POM121: variants seen among roughly 807,000 people sequenced by gnomAD.
POM121 encodes the protein POM121 transmembrane nucleoporin, also known as nuclear envelope pore membrane protein POM 121.
Under a neutral mutation model 81.3 loss-of-function variants are expected in POM121, and 32 were observed. The ratio of observed to expected loss-of-function variants is 0.39; its 90% CI spans 0.30 to 0.53. The LOEUF is 0.53. Among genes scored for constraint, POM121 ranks in the 20% least tolerant of loss-of-function variants. The probability of loss-of-function intolerance (pLI) is 0.66; values close to 1 mark genes in which losing one functional copy is unlikely to be tolerated. For missense variants in POM121, 1,138 were observed against 1,614.6 expected, an observed-to-expected ratio of 0.70 and a Z score of 5.06; for synonymous variants, 514 against 694.2, an observed-to-expected ratio of 0.74 and a Z score of 4.08.
chr7:72,946,662 C>A lies in POM121; in HGVS notation c.*428C>A. On this transcript the variant is annotated 3_prime_UTR_variant, in exon 13 of 13. Transcript: ENST00000434423. ...GATGGGATTTGGGAAATGGGCTATC[C>A]GTAAAGCTTTATCTTGCTTGGCTTA... The A allele has an allele frequency of 1.0e-6, 1 of 987,718 alleles. No homozygotes were observed. Among genetic ancestry groups the A allele is most frequent in the African/African-American group, 1.8e-5 (1 of 56,500 alleles). The allele number at this position is 987,718 out of a possible 1,614,324, so 61.2% of individuals were successfully genotyped here. A position where few individuals can be genotyped will look rare whatever the true frequency, so the allele number is the denominator to read the frequency against.
intron 3 of POM121, among the ~76,000 whole-genome samples, chr7:72,927,573 G>A (rs1202811071): frequency 6.6e-6 from 1 of 152,052 alleles, no homozygotes; most frequent in African/African-American, 2.4e-5. Flanking sequence ...AGCTGGATGT[G>A]GTGGTGGGCG....
Position 72,925,360 on chromosome 7 carries a change from C to T in POM121, c.239C>T (p.Ser80Phe), listed in dbSNP as rs1407574051. The change falls in exon 1 of 13, where the codon TCC becomes TTC. Residue 80 changes from serine to phenylalanine, a missense_variant. By Grantham distance (155) the Ser-to-Phe change is radical. Coordinates refer to ENST00000434423, the MANE Select transcript of POM121 (RefSeq NM_001387691.1). Reference sequence around the variant, plus strand: ...GAGCCCCGAGGTTCGCGCCCCTTGTCCTCCTTCGTTCGGAAGGCGCGTCAT... The same window carrying T: ...GAGCCCCGAGGTTCGCGCCCCTTGTTCTCCTTCGTTCGGAAGGCGCGTCAT... ...SREPRGSRPL[S>F]SFVRKARHRR... 1 of 1,523,072 alleles carries T rather than the reference C, an allele frequency of 6.6e-7. No homozygotes were observed. The highest frequency in any genetic ancestry group is 8.8e-7 in the Non-Finnish European group (1 of 1,137,078). 94.3% of individuals were successfully genotyped at this position (1,523,072 alleles called of 1,614,324 possible).
chr7:72,942,219 C>G lies in POM121; in HGVS notation c.2226C>G (p.Gly742=). Residue 742 remains glycine (G), a synonymous_variant, in exon 11 of 13, where the codon GGC becomes GGG. Coordinates refer to ENST00000434423, the MANE Select transcript of POM121 (RefSeq NM_001387691.1). ...CTCCACCCAAGAGTGAGAAGGAAGG[C>G]CCCACACCGCCTGGCCCTTCAGTCA... The part of the protein sequence containing the change: ...FTAPPKSEKE[G]PTPPGPSVTA... 1 of 1,610,104 alleles carries G rather than the reference C, an allele frequency of 6.2e-7. No homozygotes were observed. Among genetic ancestry groups the G allele is most frequent in the African/African-American group, 1.4e-5 (1 of 73,100 alleles).
At chr7:72,939,242 A>G (rs1170545562) in intron 6 of POM121, 94 bp from the exon 7 acceptor site, 20 of 1,505,308 alleles carry the variant, frequency 1.3e-5, no homozygotes, top group African/African-American at 4.2e-5. Context: ...TGTTTTAGAC[A>G]TTGGCCACTT....
At chr7:72,920,106 T>C (rs1223994074), upstream of POM121, among the ~76,000 whole-genome samples, 1 of 152,172 alleles carries the variant, frequency 6.6e-6, no homozygotes, top group Admixed American at 6.5e-5. Context: ...GTTTGGCCAT[T>C]ATTTCTTCTA....
At chr7:72,918,145 G>A (rs567406063) in intron 4 of POM121, among the ~76,000 whole-genome samples, 2 of 152,284 alleles carry the variant, frequency 1.3e-5, no homozygotes, top group East Asian at 1.9e-4. Context: ...ACAGCATCAC[G>A]GAGACAATTA....
Position 72,938,658 on chromosome 7 carries a change from G to C in POM121, c.1344G>C (p.Pro448=). The change falls in exon 6 of 13, where the codon CCG becomes CCC. Residue 448 remains proline, a synonymous_variant. Coordinates refer to ENST00000434423, the MANE Select transcript of POM121 (RefSeq NM_001387691.1). ...SSPASSRSQT[P]ERPAKKIREE... The stretch of plus-strand genomic sequence containing the variant: ...CAGCCTCCTCCCGCTCCCAGACACC[G>C]GAGAGGCCAGCAAAGAAAATAAGGT... 1.9e-6 allele frequency: 3 copies of C among 1,613,732 alleles called. No homozygotes were observed. Among genetic ancestry groups the C allele is most frequent in the South Asian group, 1.1e-5 (1 of 91,064 alleles).
intron 5 of POM121, among the ~76,000 whole-genome samples, chr7:72,932,940 T>C (rs1796161755): frequency 6.6e-6 from 1 of 151,270 alleles, no homozygotes; most frequent in Non-Finnish European, 1.5e-5. Context: ...TAATCCCAGC[T>C]ACTCAGGAGG....
At chr7:72,950,397 C>T (rs1797973014), downstream of POM121, 1 of 593,004 alleles carries the variant, frequency 1.7e-6, no homozygotes, top group Admixed American at 3.0e-5. Context: ...TGTTTACCAG[C>T]AGTGGGAGCC....
At position 72,947,329 on chromosome 7, in the gene POM121, CTCTT is replaced by C; in HGVS notation, c.*1096_*1099del. ...GAATGGGCCCAGGGGAAGCAAAGAC[CTCTT>C]CCCTCTGCCGTTTCTGTCCCACTTA... On this transcript the variant is annotated 3_prime_UTR_variant, in exon 13 of 13. Coordinates refer to ENST00000434423, the MANE Select transcript of POM121 (RefSeq NM_001387691.1). 1 of 538,538 alleles carries C rather than the reference CTCTT, an allele frequency of 1.9e-6. No individual in the cohort carries two copies. The highest frequency in any genetic ancestry group is 2.3e-6 in the Non-Finnish European group (1 of 442,132). The allele number at this position is 538,538 out of a possible 1,614,324, so 33.4% of individuals were successfully genotyped here.
intron 3 of POM121, among the ~76,000 whole-genome samples, chr7:72,894,454 T>C (rs1215981357): frequency 6.6e-6 from 1 of 151,762 alleles, no homozygotes; most frequent in Non-Finnish European, 1.5e-5. Flanking sequence ...GGCAGGCGCC[T>C]GTAATCCCAG....
Position 72,926,857 on chromosome 7 carries a change from C to G in POM121, c.916C>G (p.Pro306Ala). 1 of 1,613,918 alleles carries G rather than the reference C, an allele frequency of 6.2e-7. No homozygotes were observed. The highest frequency in any genetic ancestry group is 8.5e-7 in the Non-Finnish European group (1 of 1,179,866). ...CTCACCATCAAGTAACGCCCCAGAC[C>G]CATGTGCAAAGGAGACAGTACTGAG... is the stretch of plus-strand genomic sequence containing the variant. ...LSSPSSNAPDPCAKETVLSAL... is the reference protein window; with the variant it reads ...LSSPSSNAPDACAKETVLSAL... Residue 306 changes from proline (P) to alanine (A), a missense_variant, in exon 3 of 13, where the codon CCA becomes GCA. By Grantham distance (27) the Pro-to-Ala change is conservative. Coordinates refer to ENST00000434423, the MANE Select transcript of POM121 (RefSeq NM_001387691.1).
At chr7:72,900,006 T>G (rs7782791) in intron 3 of POM121, among the ~76,000 whole-genome samples, 5,654 of 152,280 alleles carry the variant, frequency 0.037, 146 homozygotes, top group African/African-American at 0.067. Context: ...AGAACCATCT[T>G]TTGAGCTTTT....
intron 4 of POM121, among the ~76,000 whole-genome samples, chr7:72,916,052 T>A (rs563232254): frequency 6.6e-6 from 1 of 152,306 alleles, no homozygotes; most frequent in African/African-American, 2.4e-5. Flanking sequence ...TCTACAAGAA[T>A]CTACAAGATC....
In POM121 at chr7:72,925,606, C is replaced by T. The variant is rs1795331413; in HGVS notation, c.485C>T (p.Pro162Leu). ...GAGGGCCAGGACCTGCGGGATAGGC[C>T]TGGCCGCCGCCCACCTGCCCGCCCG... ...APEGQDLRDR[P>L]GRRPPARPAP... The change falls in exon 1 of 13, where the codon CCT (proline) becomes CTT (leucine). Residue 162 changes from proline (P) to leucine (L), a missense_variant. This residue lies in a region of POM121 where 646 missense variants were observed against 633.5 expected (regional missense o/e 1.02). Transcript: ENST00000434423. 7.1e-7 allele frequency: 1 copy of T among 1,413,834 alleles called. No homozygotes were observed. Among genetic ancestry groups the T allele is most frequent in the Non-Finnish European group, 9.2e-7 (1 of 1,087,956 alleles). The allele number at this position is 1,413,834 out of a possible 1,614,324, so 87.6% of individuals were successfully genotyped here. A position where few individuals can be genotyped will look rare whatever the true frequency, so the allele number is the denominator to read the frequency against.
intron 3 of POM121, among the ~76,000 whole-genome samples, chr7:72,893,576 T>G (rs1791530423): frequency 6.6e-6 from 1 of 152,092 alleles, no homozygotes; most frequent in African/African-American, 2.4e-5. Context: ...AGAGCCAGAC[T>G]CCATCTCAAA....
chr7:72,894,624 GAGGAGAGAGA>G (rs1791681781), intron 3 of POM121, among the ~76,000 whole-genome samples: 1 of 102,918 alleles, frequency 9.7e-6, no homozygotes, highest in Admixed American at 1.2e-4. Context: ...ATGAGAGAGA[GAGGAGAGAGA>G]GAGAGAGAGA....
intron 4 of POM121, among the ~76,000 whole-genome samples, chr7:72,918,050 A>G (rs1389960176): frequency 6.6e-6 from 1 of 152,178 alleles, no homozygotes; most frequent in African/African-American, 2.4e-5. Flanking sequence ...TAGTACTTTC[A>G]CTAATTTACT....
At chr7:72,920,626 T>A (rs1794734110), upstream of POM121, among the ~76,000 whole-genome samples, 1 of 152,150 alleles carries the variant, frequency 6.6e-6, no homozygotes, top group South Asian at 2.1e-4. Context: ...AGTGCTGGGA[T>A]TACAGGCGTG....
Sources: gnomAD v4.1 joint callset for allele counts (sites outside exome capture counted in the v4.1 genomes callset) on GRCh38, gnomAD v4.1.1 for gene constraint, gnomAD v4.1.1 regional missense constraint, MANE v1.5 for transcripts, NCBI Gene and HGNC (gene_info 2026-07-23, HGNC 2026-07-21) for gene names.